Variants in IL1RAPL2 observed in about 807,000 individuals in gnomAD.
The protein encoded by IL1RAPL2 is interleukin 1 receptor accessory protein like 2.
In IL1RAPL2, 3 loss-of-function variants were observed where a neutral mutation model predicts 44.1. That is an observed-to-expected ratio of 0.07 (90% CI 0.03 to 0.18). IL1RAPL2 has a LOEUF of 0.18. IL1RAPL2 is among the 10% of genes least tolerant of loss of function. The probability of loss-of-function intolerance (pLI) is 1.00; values close to 1 mark genes in which losing one functional copy is unlikely to be tolerated. For synonymous variants in IL1RAPL2, 181 were observed against 178.8 expected (o/e 1.01, Z -0.10); for missense variants, 391 against 496.4 (o/e 0.79, Z 2.02).
At chrX:105,710,285 T>C (rs1025171176) in intron 6 of IL1RAPL2, among the ~76,000 whole-genome samples, 1 of 109,035 alleles carries the variant, frequency 9.2e-6, no homozygotes, top group Non-Finnish European at 1.9e-5. Context: ...CTGGTCTTCT[T>C]CCTTCTCAGA....
chrX:105,097,869 G>A (rs1014487460), intron 2 of IL1RAPL2, among the ~76,000 whole-genome samples: 3 of 111,086 alleles, frequency 2.7e-5, no homozygotes, highest in African/African-American at 9.8e-5. Context: ...TAGGGTACCC[G>A]TTACGTCACA....
At chrX:105,045,050 A>G (rs2031818879) in intron 2 of IL1RAPL2, among the ~76,000 whole-genome samples, 1 of 111,382 alleles carries the variant, frequency 9.0e-6, no homozygotes, top group Non-Finnish European at 1.9e-5. Flanking sequence ...GACAACTTGA[A>G]TGTGTAGTTA....
intron 6 of IL1RAPL2, among the ~76,000 whole-genome samples, chrX:105,595,662 G>T (rs1307485430): frequency 9.0e-6 from 1 of 111,145 alleles, no homozygotes; most frequent in Non-Finnish European, 1.9e-5. Flanking sequence ...TTTGCTAAGA[G>T]GGTGATGCTG....
chrX:105,674,182 A>G (rs761321226), intron 6 of IL1RAPL2, among the ~76,000 whole-genome samples: 5 of 111,874 alleles, frequency 4.5e-5, no homozygotes, highest in Non-Finnish European at 9.4e-5. Context: ...ATTAGATCCC[A>G]TTTATCAATT....
chrX:104,884,214 G>A (rs1443702259), intron 2 of IL1RAPL2, among the ~76,000 whole-genome samples: 1 of 111,317 alleles, frequency 9.0e-6, no homozygotes, highest in African/African-American at 3.3e-5. Flanking sequence ...AAGTTTTTGA[G>A]AATGCATCAG....
chrX:104,910,225 G>T (rs888040339), intron 2 of IL1RAPL2, among the ~76,000 whole-genome samples: 1 of 111,661 alleles, frequency 9.0e-6, no homozygotes, highest in Admixed American at 9.4e-5. Context: ...CTCACGGTGC[G>T]CGCACCCACT....
At chrX:105,718,446 T>A (rs2042279375) in intron 7 of IL1RAPL2, among the ~76,000 whole-genome samples, 1 of 111,772 alleles carries the variant, frequency 8.9e-6, no homozygotes, top group African/African-American at 3.3e-5. Flanking sequence ...GGTTCATAAC[T>A]TTGAAGGTCT....
chrX:105,446,584 C>T (rs745463940), intron 5 of IL1RAPL2, among the ~76,000 whole-genome samples: 29 of 110,257 alleles, frequency 2.6e-4, no homozygotes, highest in Non-Finnish European at 4.6e-4. Context: ...TTTGAGATTA[C>T]GATGAGGCCT....
intron 3 of IL1RAPL2, among the ~76,000 whole-genome samples, chrX:105,214,849 G>C (rs2033839707): frequency 9.0e-6 from 1 of 111,675 alleles, no homozygotes; most frequent in Admixed American, 9.5e-5. Flanking sequence ...CATGGAAATT[G>C]AACAATCTTC....
chrX:105,381,765 T>C (rs1460435467), intron 5 of IL1RAPL2, among the ~76,000 whole-genome samples: 1 of 111,783 alleles, frequency 8.9e-6, no homozygotes, highest in African/African-American at 3.3e-5. Context: ...AAATCCATTC[T>C]TCTGATTATT....
intron 2 of IL1RAPL2, among the ~76,000 whole-genome samples, chrX:104,796,961 G>A (rs1369322041): frequency 9.1e-6 from 1 of 110,082 alleles, no homozygotes; most frequent in Non-Finnish European, 1.9e-5. Flanking sequence ...TGTAAAGATG[G>A]GGTTTCACCA....
At chrX:105,496,737 A>C (rs1451631245) in intron 6 of IL1RAPL2, among the ~76,000 whole-genome samples, 1 of 112,102 alleles carries the variant, frequency 8.9e-6, no homozygotes, top group Non-Finnish European at 1.9e-5. Flanking sequence ...TAGCCTGATC[A>C]TTATTAGTCA....
chrX:105,363,745 C>A (rs1460011333), intron 5 of IL1RAPL2, among the ~76,000 whole-genome samples: 1 of 110,387 alleles, frequency 9.1e-6, no homozygotes, highest in Non-Finnish European at 1.9e-5. Flanking sequence ...CATATCTCTT[C>A]TTTTAAGAAA....
chrX:104,883,585 A>G (rs1030832879), intron 2 of IL1RAPL2, among the ~76,000 whole-genome samples: 1 of 111,644 alleles, frequency 9.0e-6, no homozygotes, highest in Non-Finnish European at 1.9e-5. Context: ...TGCCTGCCAG[A>G]CAAACTTCCT....
At chrX:104,921,066 C>T (rs1192143446) in intron 2 of IL1RAPL2, among the ~76,000 whole-genome samples, 2 of 111,565 alleles carry the variant, frequency 1.8e-5, no homozygotes, top group Non-Finnish European at 3.8e-5. Context: ...ACCATATTCC[C>T]ACTGTGGATC....
intron 2 of IL1RAPL2, among the ~76,000 whole-genome samples, chrX:104,944,608 C>T (rs1446084175): frequency 8.9e-6 from 1 of 111,733 alleles, no homozygotes; most frequent in Admixed American, 9.6e-5. Context: ...GAGGACAATG[C>T]TGCCTCCTTA....
chrX:104,844,996 A>T (rs1164285899), intron 2 of IL1RAPL2, among the ~76,000 whole-genome samples: 1 of 111,865 alleles, frequency 8.9e-6, no homozygotes, highest in East Asian at 2.8e-4. Context: ...CTTCTCAGAA[A>T]AAACTCTGAG....
chrX:105,032,492 T>C (rs182801932), intron 2 of IL1RAPL2, among the ~76,000 whole-genome samples: 26 of 111,815 alleles, frequency 2.3e-4, no homozygotes, highest in African/African-American at 8.1e-4. Context: ...TTCCCCGTAT[T>C]CATTCCGGAG....
chrX:104,777,264 A>G (rs1365176615), intron 2 of IL1RAPL2, among the ~76,000 whole-genome samples: 1 of 110,678 alleles, frequency 9.0e-6, no homozygotes, highest in Non-Finnish European at 1.9e-5. Flanking sequence ...TATAAATATG[A>G]CTACTCTAGG....
Sources: gnomAD v4.1 joint callset for allele counts (sites outside exome capture counted in the v4.1 genomes callset) on GRCh38, gnomAD v4.1.1 for gene constraint, MANE v1.5 for transcripts, NCBI Gene and HGNC (gene_info 2026-07-23, HGNC 2026-07-21) for gene names.